Variants in ITGA3 observed in about 807,000 individuals in gnomAD.
ITGA3 encodes integrin subunit alpha 3.
ITGA3 carries 70 observed loss-of-function variants against 131.1 expected under a neutral mutation model. That is an observed-to-expected ratio of 0.53 (90% confidence interval 0.44 to 0.65). The LOEUF (loss-of-function observed/expected upper bound fraction) is 0.65. Ranked by LOEUF, ITGA3 falls within the 30% of genes least tolerant of loss-of-function variation. The probability of loss-of-function intolerance (pLI) is 0.00; values close to 1 mark genes in which losing one functional copy is unlikely to be tolerated. For synonymous variants in ITGA3, 537 were observed against 571.6 expected, an observed-to-expected ratio of 0.94 and a Z score of 0.86; for missense variants, 1,098 against 1,388.6, an observed-to-expected ratio of 0.79 and a Z score of 3.33.
Position 50,064,421 on chromosome 17 carries a change from C to A in ITGA3, c.335-107C>A. 1.7e-6 allele frequency: 2 copies of A among 1,208,428 alleles called. No individual in the cohort carries two copies. Among genetic ancestry groups the A allele is most frequent in the Non-Finnish European group, 2.3e-6 (2 of 857,868 alleles). The allele number at this position is 1,208,428 out of a possible 1,614,324, so 74.9% of individuals were successfully genotyped here. A position where few individuals can be genotyped will look rare whatever the true frequency, so the allele number is the denominator to read the frequency against. Reference sequence around the variant, plus strand: ...TGGAGAAGGGGAGTTGGGAGGGCTGCCCTGTGGGTGGAGGGCCCAAGCGGG... The same window carrying A: ...TGGAGAAGGGGAGTTGGGAGGGCTGACCTGTGGGTGGAGGGCCCAAGCGGG... On this transcript the variant is annotated intron_variant, in intron 2 of 25. Coordinates refer to ENST00000320031, the MANE Select transcript of ITGA3 (RefSeq NM_002204.4). The surrounding 1 kb of genome is among the most constrained non-coding windows in gnomAD (Gnocchi z 4.4).
chr17:50,080,236 C>T (rs146914167), intron 21 of ITGA3, 26 bp from the exon 22 acceptor site: 18 of 1,347,610 alleles, frequency 1.3e-5, no homozygotes, highest in East Asian at 4.7e-5. Flanking sequence ...GACTATGTCA[C>T]GTCTTGCGTT....
In ITGA3 at chr17:50,068,100, A is replaced by T; in HGVS notation, c.459A>T (p.Glu153Asp). The T allele has an allele frequency of 6.2e-7, 1 of 1,614,152 alleles. No homozygotes were observed. The highest frequency in any genetic ancestry group is 8.5e-7 in the Non-Finnish European group (1 of 1,180,030). ...RYTQVLWSGS[E>D]DQRRMVGKCY... Reference sequence around the variant, plus strand: ...CCCAGGTGCTGTGGTCAGGGTCAGAAGACCAGCGGCGCATGGTGGGCAAGT... The same window carrying T: ...CCCAGGTGCTGTGGTCAGGGTCAGATGACCAGCGGCGCATGGTGGGCAAGT... Residue 153 changes from glutamate to aspartate, a missense_variant, in exon 4 of 26, where the codon GAA becomes GAT. Physicochemically the swap from Glu to Asp is conservative, Grantham distance 45 (BLOSUM62 2). This residue lies in a region of ITGA3 where 356 missense variants were observed against 529.2 expected (regional missense o/e 0.67). Coordinates refer to ENST00000320031, the MANE Select transcript of ITGA3 (RefSeq NM_002204.4).
Position 50,087,889 on chromosome 17 carries a change from C to T in ITGA3, c.3045+20C>T. ...TGGAAGGTTAGTAGCCCAGCCCACTCCTGCTCCGGGACCTCCACCAGCACA... is the reference window on the plus strand; with the variant it reads ...TGGAAGGTTAGTAGCCCAGCCCACTTCTGCTCCGGGACCTCCACCAGCACA... On this transcript the variant is annotated intron_variant, in intron 24 of 25. Coordinates refer to ENST00000320031, the MANE Select transcript of ITGA3 (RefSeq NM_002204.4). 3 of 1,544,948 alleles carry T rather than the reference C, an allele frequency of 1.9e-6. No homozygotes were observed. The highest frequency in any genetic ancestry group is 1.8e-6 in the Non-Finnish European group (2 of 1,140,400).
At chr17:50,081,697 A>G (rs1909193089) in intron 23 of ITGA3, among the ~76,000 whole-genome samples, 1 of 152,188 alleles carries the variant, frequency 6.6e-6, no homozygotes, top group Admixed American at 6.5e-5. Flanking sequence ...CAACGCCTCC[A>G]TGAAGAGTAG....
Position 50,089,626 on chromosome 17 carries a change from A to T in ITGA3, c.*548A>T. ...GCCTCCCACCAGAGCCGGGAGGAAA[A>T]GGCCCCTGCAATGTGGTGACACCTC... On this transcript the variant is annotated 3_prime_UTR_variant, in exon 26 of 26. Transcript: ENST00000320031. 1 of 226,632 alleles carries T rather than the reference A, an allele frequency of 4.4e-6. No homozygotes were observed. The highest frequency in any genetic ancestry group is 9.6e-5 in the East Asian group (1 of 10,428). The allele number at this position is 226,632 out of a possible 1,614,324, so 14.0% of individuals were successfully genotyped here.
In ITGA3 at chr17:50,068,325, G is replaced by A; in HGVS notation, c.664+20G>A. 1 of 1,609,768 alleles carries A rather than the reference G, an allele frequency of 6.2e-7. No homozygotes were observed. The highest frequency in any genetic ancestry group is 8.5e-7 in the Non-Finnish European group (1 of 1,178,810). ...GGAAAGGTGGGGACCATGGGGCCAT[G>A]GGGGAAGAAAGGAAGAGCAGAGACC... is the stretch of plus-strand genomic sequence containing the variant. On this transcript the variant is annotated intron_variant, in intron 4 of 25. Transcript: ENST00000320031.
Position 50,074,334 on chromosome 17 carries a change from A to G in ITGA3, c.1382+54A>G, listed in dbSNP as rs966457107. The stretch of plus-strand genomic sequence containing the variant: ...CTTTCTCTTCTTCATCTTTGTCTGC[A>G]CAGATTCCCATCTGTGTCCATGTTT... On this transcript the variant is annotated intron_variant, in intron 9 of 25. Coordinates refer to ENST00000320031, the MANE Select transcript of ITGA3 (RefSeq NM_002204.4). The G allele has an allele frequency of 4.4e-6, 7 of 1,607,010 alleles. No individual in the cohort carries two copies. The African/African-American group carries it at 9.4e-5, about 21-fold the overall frequency.
intron 1 of ITGA3, among the ~76,000 whole-genome samples, chr17:50,060,022 G>T (rs1007664253): frequency 6.6e-6 from 1 of 152,178 alleles, no homozygotes; most frequent in Non-Finnish European, 1.5e-5. Flanking sequence ...GAGGGCTGCA[G>T]TTTCAGCTGC....
chr17:50,067,924 C>A, intron 3 of ITGA3, 132 bp from the exon 4 acceptor site: 2 of 1,206,978 alleles, frequency 1.7e-6, no homozygotes, highest in Non-Finnish European at 2.3e-6. Context: ...TTAAGTATCA[C>A]TGGGAGAAGG....
intron 14 of ITGA3, 42 bp from the exon 15 acceptor site, chr17:50,076,932 G>T: frequency 6.3e-7 from 1 of 1,576,218 alleles, no homozygotes; most frequent in Non-Finnish European, 8.6e-7. Context: ...GGAGTGCCCT[G>T]GGGGCGGGGC....
Position 50,068,037 on chromosome 17 carries a change from G to A in ITGA3, c.415-19G>A, listed in dbSNP as rs770124636. 36 of 1,613,334 alleles carry A rather than the reference G, an allele frequency of 2.2e-5. No homozygotes were observed. In the Admixed American group the frequency reaches 3.5e-4, roughly 16 times the overall value. On this transcript the variant is annotated intron_variant, in intron 3 of 25. Coordinates refer to ENST00000320031, the MANE Select transcript of ITGA3 (RefSeq NM_002204.4). ...TCCCTGTGCCTGACTAAGGCTGCCT[G>A]TGTTTGGGGGGTCCCCAGGTCTGTG...
intron 23 of ITGA3, among the ~76,000 whole-genome samples, chr17:50,084,417 T>A (rs945769504): frequency 4.6e-5 from 7 of 152,050 alleles, no homozygotes; most frequent in Admixed American, 2.0e-4. Flanking sequence ...AAGGAGCTAA[T>A]AGGACAAGTA....
At position 50,075,751 on chromosome 17, in the gene ITGA3, G is replaced by C. The variant is rs781667571; in HGVS notation, c.1674+16G>C. ...GCTCCTGATGGTGAGGGAGGAGCAA[G>C]GGTCAGGATGAGGGCTCCCAGGTCC... On this transcript the variant is annotated intron_variant, in intron 12 of 25. Transcript: ENST00000320031. 3.7e-6 allele frequency: 6 copies of C among 1,613,652 alleles called. 1 individual carries two copies. In the South Asian group the frequency reaches 5.5e-5, roughly 15 times the overall value.
intron 1 of ITGA3, among the ~76,000 whole-genome samples, chr17:50,057,088 C>A (rs1907862826): frequency 6.6e-6 from 1 of 152,262 alleles, no homozygotes; most frequent in Non-Finnish European, 1.5e-5. Flanking sequence ...TCTGCGGCCA[C>A]GCCAGCCACA....
At chr17:50,085,350 C>T (rs963829101) in intron 23 of ITGA3, among the ~76,000 whole-genome samples, 5 of 151,662 alleles carry the variant, frequency 3.3e-5, no homozygotes, top group African/African-American at 4.8e-5. Context: ...TTACAGAGAT[C>T]GTAATTTCTA....
At position 50,079,330 on chromosome 17, in the gene ITGA3, C is replaced by T. The variant is rs1283686570; in HGVS notation, c.2583+72C>T. 1.9e-6 allele frequency: 3 copies of T among 1,566,700 alleles called. No individual in the cohort carries two copies. The South Asian group carries it at 3.5e-5, about 18-fold the overall frequency. On this transcript the variant is annotated intron_variant, in intron 20 of 25. Transcript: ENST00000320031. ...AAGGCCAGTGTCTTCCCCTCCCTCC[C>T]CTCATACCCCTTTGGCAAGCTGTCT... is the stretch of plus-strand genomic sequence containing the variant.
intron 3 of ITGA3, among the ~76,000 whole-genome samples, chr17:50,066,318 C>CTT (rs112713558): frequency 7.2e-6 from 1 of 138,304 alleles, no homozygotes; most frequent in Non-Finnish European, 1.6e-5. Context: ...CTTTTTCTTT[C>CTT]TTTTTTTTTT....
intron 25 of ITGA3, among the ~76,000 whole-genome samples, chr17:50,088,767 C>T (rs1192933508): frequency 6.6e-6 from 1 of 152,148 alleles, no homozygotes; most frequent in Non-Finnish European, 1.5e-5. Context: ...AGCCTGTTTC[C>T]TCCTGAGCAA....
At position 50,089,616 on chromosome 17, in the gene ITGA3, C is replaced by T. The variant is rs3744538; in HGVS notation, c.*538C>T. On this transcript the variant is annotated 3_prime_UTR_variant, in exon 26 of 26. Transcript: ENST00000320031. The stretch of plus-strand genomic sequence containing the variant: ...AAGCCAAAGAGCCTCCCACCAGAGC[C>T]GGGAGGAAAAGGCCCCTGCAATGTG... 21,687 of 234,606 alleles carry T rather than the reference C, an allele frequency of 0.092. 1,764 individuals carry two copies. The highest frequency in any genetic ancestry group is 0.32 in the East Asian group (3,508 of 11,066). The allele number at this position is 234,606 out of a possible 1,614,324, so 14.5% of individuals were successfully genotyped here.
Sources: allele counts gnomAD v4.1 joint callset (sites outside exome capture counted in the v4.1 genomes callset), GRCh38; gene constraint gnomAD v4.1.1; regional missense constraint gnomAD v4.1.1; non-coding constraint Gnocchi (gnomAD v3.1); transcripts MANE v1.5; gene names NCBI Gene and HGNC (gene_info 2026-07-23, HGNC 2026-07-21).